The following LRCH2 variants were observed in gnomAD, a reference collection of about 807,000 sequenced individuals.
LRCH2 encodes the protein leucine-rich repeat and calponin homology domain-containing protein 2.
A neutral mutation model predicts 68.9 loss-of-function variants in LRCH2; 38 were observed. The observed-to-expected ratio is 0.55, with a 90% CI of 0.43 to 0.72. The LOEUF is 0.72. LRCH2 is among the 30% of genes least tolerant of loss of function. The probability of loss-of-function intolerance (pLI) is 0.00; values close to 1 mark genes in which losing one functional copy is unlikely to be tolerated. For missense variants in LRCH2, 528 were observed against 572.9 expected, an observed-to-expected ratio of 0.92 and a Z score of 0.80; for synonymous variants, 191 against 208.1, an observed-to-expected ratio of 0.92 and a Z score of 0.71.
intron 14 of LRCH2, among the ~76,000 whole-genome samples, chrX:115,130,833 C>T (rs1169560256): frequency 9.0e-6 from 1 of 111,334 alleles, no homozygotes; most frequent in Non-Finnish European, 1.9e-5. Context: ...AACCCTACTA[C>T]ATAAGAACCA....
intron 20 of LRCH2, among the ~76,000 whole-genome samples, chrX:115,114,557 T>C (rs1306613857): frequency 1.8e-5 from 2 of 110,753 alleles, no homozygotes; most frequent in African/African-American, 6.5e-5. Context: ...AACCCAAAGT[T>C]AGTTCATTTA....
In LRCH2 at chrX:115,233,708, C is replaced by A. The variant is rs1556579156; in HGVS notation, c.334G>T (p.Asp112Tyr). The A allele has an allele frequency of 8.6e-7, 1 of 1,164,196 alleles. No individual in the cohort carries two copies. The highest frequency in any genetic ancestry group is 1.8e-5 in the African/African-American group (1 of 56,591). The change falls in exon 1 of 21, where the codon GAC becomes TAC. Residue 112 changes from aspartate to tyrosine, a missense_variant. Physicochemically the swap from Asp to Tyr is radical, Grantham distance 160. Coordinates refer to ENST00000317135, the MANE Select transcript of LRCH2 (RefSeq NM_020871.4). The part of the protein sequence containing the change: ...DFPGSGYDLT[D>Y]TTQADLSRNR... The stretch of plus-strand genomic sequence containing the variant: ...GTCCTGTCACCTGCTTGGGTGGTGT[C>A]CGTCAGGTCGTAGCCGCTGCCCGGG...
chrX:115,233,650 C>T, intron 1 of LRCH2, 43 bp downstream of exon 1: 1 of 1,096,571 alleles, frequency 9.1e-7, no homozygotes, highest in Non-Finnish European at 1.2e-6. Flanking sequence ...ACTCCCCGCA[C>T]CTCCTCCTTC....
At chrX:115,154,157 T>C (rs2072454952) in intron 12 of LRCH2, among the ~76,000 whole-genome samples, 1 of 111,091 alleles carries the variant, frequency 9.0e-6, no homozygotes, top group Admixed American at 9.6e-5. Flanking sequence ...ATCAAGAATA[T>C]AAAGAAAAGT....
chrX:115,114,063 T>C (rs191158274), intron 20 of LRCH2, among the ~76,000 whole-genome samples: 277 of 111,427 alleles, frequency 2.5e-3, no homozygotes, highest in African/African-American at 8.3e-3. Flanking sequence ...AAATACAATA[T>C]CAACTGGACA....
chrX:115,230,533 A>G (rs2073146371), intron 1 of LRCH2, among the ~76,000 whole-genome samples: 1 of 111,414 alleles, frequency 9.0e-6, no homozygotes. Context: ...AACAGACACT[A>G]GAAATGCAGA....
chrX:115,160,159 T>C (rs1556541052), intron 11 of LRCH2, among the ~76,000 whole-genome samples: 2 of 109,208 alleles, frequency 1.8e-5, no homozygotes, highest in Non-Finnish European at 3.8e-5. Flanking sequence ...CTACTAAAAA[T>C]ACAAAAATTA....
At chrX:115,227,570 C>A (rs1214821868) in intron 1 of LRCH2, among the ~76,000 whole-genome samples, 1 of 109,215 alleles carries the variant, frequency 9.2e-6, no homozygotes, top group Non-Finnish European at 1.9e-5. Flanking sequence ...TCACAAAAAC[C>A]TTTAAATGTA....
intron 1 of LRCH2, among the ~76,000 whole-genome samples, chrX:115,193,314 G>A (rs1160893291): frequency 8.9e-6 from 1 of 111,781 alleles, no homozygotes; most frequent in East Asian, 2.8e-4. Context: ...ATGTCTAAAA[G>A]CCTATGTTCT....
rs2072153942 is a variant in LRCH2, at chrX:115,122,709, A to G, written c.2100+51T>C. On this transcript the variant is annotated intron_variant, in intron 19 of 20. Coordinates refer to ENST00000317135, the MANE Select transcript of LRCH2 (RefSeq NM_020871.4). ...AGGTATATTATTTAAAGACAATTTTAAGAAGCTATATCTTCCTTTAGAGAA... is the reference window on the plus strand; with the variant it reads ...AGGTATATTATTTAAAGACAATTTTGAGAAGCTATATCTTCCTTTAGAGAA... 7 of 1,183,936 alleles carry G rather than the reference A, an allele frequency of 5.9e-6. No individual in the cohort carries two copies. In the Admixed American group the frequency reaches 1.6e-4, roughly 28 times the overall value.
chrX:115,168,170 T>C (rs1603053747), intron 6 of LRCH2, among the ~76,000 whole-genome samples: 1 of 112,103 alleles, frequency 8.9e-6, no homozygotes. Flanking sequence ...GTAGTGCCTA[T>C]CTATGTATAA....
In LRCH2 at chrX:115,110,714, G is replaced by A. The variant is rs1374297014; in HGVS notation, c.*2502C>T. 1 of 111,878 alleles carries A rather than the reference G, an allele frequency of 8.9e-6. No individual in the cohort carries two copies. Among genetic ancestry groups the A allele is most frequent in the Non-Finnish European group, 1.9e-5 (1 of 53,079 alleles). 9.2% of individuals were successfully genotyped at this position (111,878 alleles called of 1,213,427 possible). On this transcript the variant is annotated 3_prime_UTR_variant, in exon 21 of 21. Coordinates refer to ENST00000317135, the MANE Select transcript of LRCH2 (RefSeq NM_020871.4). ...TCAGAAAAGCAATTATGATAGATCT[G>A]TGACCAATACAAACATTTCTGATTT...
Position 115,191,863 on chromosome X carries a change from C to T in LRCH2, c.350-3493G>A, listed in dbSNP as rs782074525. 1.3e-4 allele frequency: 147 copies of T among 1,157,533 alleles called. No individual in the cohort carries two copies. The highest frequency in any genetic ancestry group is 1.2e-3 in the African/African-American group (64 of 53,416). On this transcript the variant is annotated intron_variant, in intron 1 of 20. Coordinates refer to ENST00000317135, the MANE Select transcript of LRCH2 (RefSeq NM_020871.4). ...CAGCGGGGGCCACAACAGTTCCAGC[C>T]GGAACGACCCCTGCAGAGGAGGAGG...
At chrX:115,224,681 CAAAAA>C (rs782620582) in intron 1 of LRCH2, among the ~76,000 whole-genome samples, 11 of 56,233 alleles carry the variant, frequency 2.0e-4, no homozygotes, top group African/African-American at 6.7e-4. Context: ...GAGACTCTGT[CAAAAA>C]AAAAAAAAAA....
At chrX:115,186,209 C>T (rs1012268550) in intron 2 of LRCH2, among the ~76,000 whole-genome samples, 1 of 110,381 alleles carries the variant, frequency 9.1e-6, no homozygotes, top group Admixed American at 9.7e-5. Flanking sequence ...AAAAATTAGT[C>T]GGGCCTGGTG....
chrX:115,189,605 C>G (rs1290554331), intron 1 of LRCH2: 1 of 1,168,613 alleles, frequency 8.6e-7, no homozygotes, highest in Non-Finnish European at 1.1e-6. Context: ...GCGTTCGTCA[C>G]CTTCGAAAGC....
At chrX:115,195,859 T>G (rs2072883637) in intron 1 of LRCH2, among the ~76,000 whole-genome samples, 2 of 111,627 alleles carry the variant, frequency 1.8e-5, no homozygotes, top group South Asian at 7.6e-4. Context: ...TCCAAGAGAC[T>G]GTGAGAAGGA....
intron 1 of LRCH2, chrX:115,189,630 G>C: frequency 8.6e-7 from 1 of 1,169,075 alleles, no homozygotes; most frequent in Non-Finnish European, 1.1e-6. Flanking sequence ...CAGACGCCAA[G>C]GCTGCCGCCA....
intron 14 of LRCH2, among the ~76,000 whole-genome samples, chrX:115,147,334 C>T (rs1009584157): frequency 3.5e-4 from 39 of 111,330 alleles, no homozygotes; most frequent in African/African-American, 1.3e-3. Flanking sequence ...ATTTAGGAAA[C>T]TGTATGTCAG....
Sources: allele counts gnomAD v4.1 joint callset (sites outside exome capture counted in the v4.1 genomes callset), GRCh38; gene constraint gnomAD v4.1.1; transcripts MANE v1.5; gene names NCBI Gene and HGNC (gene_info 2026-07-23, HGNC 2026-07-21).